Variants in TPRG1 observed in about 807,000 individuals in gnomAD.
TPRG1 encodes tumor protein p63-regulated gene 1 protein.
Under a neutral mutation model 29.3 loss-of-function variants are expected in TPRG1, and 29 were observed. That is an observed-to-expected ratio of 0.99 (90% CI 0.74 to 1.35). The LOEUF (loss-of-function observed/expected upper bound fraction) is 1.35. TPRG1 is among the 40% of genes most tolerant of loss of function. The probability of loss-of-function intolerance (pLI) is 0.00; values close to 1 mark genes in which losing one functional copy is unlikely to be tolerated. For missense variants in TPRG1, 327 were observed against 335.0 expected, an observed-to-expected ratio of 0.98 and a Z score of 0.19; for synonymous variants, 130 against 116.8, an observed-to-expected ratio of 1.11 and a Z score of -0.73.
chr3:189,316,044 A>G (rs1037887020), intron 5 of TPRG1, among the ~76,000 whole-genome samples: 1 of 152,198 alleles, frequency 6.6e-6, no homozygotes, highest in Non-Finnish European at 1.5e-5. Flanking sequence ...TGCGAATTAC[A>G]AAGGTATACA....
intron 3 of TPRG1, among the ~76,000 whole-genome samples, chr3:189,016,964 G>C (rs897671918): frequency 1.5e-4 from 23 of 152,086 alleles, no homozygotes; most frequent in African/African-American, 5.3e-4. Flanking sequence ...TGCATTTCCT[G>C]AATTTGAATG....
In TPRG1 at chr3:189,238,853, C is replaced by T. The variant is rs750905740; in HGVS notation, c.423C>T (p.Ser141=). 62 of 1,613,524 alleles carry T rather than the reference C, an allele frequency of 3.8e-5. No individual in the cohort carries two copies. The highest frequency in any genetic ancestry group is 1.7e-4 in the Admixed American group (10 of 59,952). ...TGCAGCTGCAGCGGATTCCTCTGAGCGCTGTCTATCGCATCTGCCTGGGCA... is the reference window on the plus strand; with the variant it reads ...TGCAGCTGCAGCGGATTCCTCTGAGTGCTGTCTATCGCATCTGCCTGGGCA... The part of the protein sequence containing the change: ...SCVQLQRIPL[S]AVYRICLGKF... The change falls in exon 4 of 6, where the codon AGC becomes AGT. Residue 141 remains serine (S), a synonymous_variant. Coordinates refer to ENST00000345063, the MANE Select transcript of TPRG1 (RefSeq NM_198485.4).
chr3:189,035,303 C>T (rs1188480160), intron 4 of TPRG1, among the ~76,000 whole-genome samples: 4 of 152,158 alleles, frequency 2.6e-5, no homozygotes, highest in African/African-American at 7.2e-5. Context: ...GGATTAAAGA[C>T]TTAAATGTAA....
intron 5 of TPRG1, among the ~76,000 whole-genome samples, chr3:189,163,959 AT>A (rs3884278): frequency 3.3e-5 from 5 of 151,146 alleles, no homozygotes; most frequent in East Asian, 1.9e-4. Context: ...AAAAATATGC[AT>A]TTTTTTTTCA....
chr3:189,295,806 T>C (rs1719818163), intron 4 of TPRG1, among the ~76,000 whole-genome samples: 1 of 152,114 alleles, frequency 6.6e-6, no homozygotes, highest in South Asian at 2.1e-4. Flanking sequence ...TGGATAATGC[T>C]TACAATGCAA....
At chr3:189,151,752 G>A (rs1256923518) in intron 5 of TPRG1, among the ~76,000 whole-genome samples, 4 of 152,060 alleles carry the variant, frequency 2.6e-5, no homozygotes, top group Admixed American at 1.3e-4. Context: ...GTGGTGGCAT[G>A]CCCCTGTAGT....
rs143654683 is a variant in TPRG1 at position 189,280,561 on chromosome 3, T to C, written c.480-29825T>C. Among the ~76,000 whole-genome samples, 696 of 151,378 alleles carry C rather than the reference T, an allele frequency of 4.6e-3. 2 individuals carry two copies. The highest frequency in any genetic ancestry group is 0.016 in the African/African-American group (657 of 40,792). On this transcript the variant is annotated intron_variant, in intron 4 of 5. Coordinates refer to ENST00000345063, the MANE Select transcript of TPRG1 (RefSeq NM_198485.4). ...CAGCATTGAGACCCATATCTAAAAC[T>C]TCTCTACATGCACCTAAACAGGACC...
chr3:189,050,813 C>G (rs1715269502), intron 4 of TPRG1, among the ~76,000 whole-genome samples: 1 of 152,134 alleles, frequency 6.6e-6, no homozygotes, highest in South Asian at 2.1e-4. Flanking sequence ...ACCACATAAG[C>G]AGAATTGAAA....
upstream of TPRG1, among the ~76,000 whole-genome samples, chr3:189,169,268 G>T (rs935934526): frequency 9.9e-5 from 15 of 152,268 alleles, no homozygotes; most frequent in East Asian, 2.7e-3. Flanking sequence ...GGGCTTAAGC[G>T]ATTCTCCTGC....
At chr3:189,303,989 A>C (rs1161634220) in intron 4 of TPRG1, among the ~76,000 whole-genome samples, 1 of 152,194 alleles carries the variant, frequency 6.6e-6, no homozygotes, top group African/African-American at 2.4e-5. Flanking sequence ...CTCTTGATTT[A>C]ACCTCAAGTC....
At chr3:189,236,933 G>A (rs1385023112) in intron 3 of TPRG1, among the ~76,000 whole-genome samples, 1 of 152,146 alleles carries the variant, frequency 6.6e-6, no homozygotes, top group East Asian at 1.9e-4. Flanking sequence ...AGTGACACAG[G>A]TCCCTTCCAG....
rs368195264 is a variant in TPRG1 at position 189,295,496 on chromosome 3, CAAAA to C, written c.480-14866_480-14863del. 4.3e-4 allele frequency among the ~76,000 whole-genome samples: 37 copies of C among 85,516 alleles called. No homozygotes were observed. In the East Asian group the frequency reaches 9.5e-3, roughly 22 times the overall value. The allele number at this position is 85,516 out of a possible 152,430, so 56.1% of individuals were successfully genotyped here. On this transcript the variant is annotated intron_variant, in intron 4 of 5. Transcript: ENST00000345063. ...ACTCTATTGGGTACTACTCAGATTGCAAAAAAAAAAAAAAAAAAAAAAAAAAAGG... is the reference window on the plus strand; with the variant it reads ...ACTCTATTGGGTACTACTCAGATTGCAAAAAAAAAAAAAAAAAAAAAAAGG...
chr3:189,182,463 G>A (rs900949916), intron 1 of TPRG1, among the ~76,000 whole-genome samples: 8 of 152,074 alleles, frequency 5.3e-5, no homozygotes, highest in African/African-American at 1.9e-4. Flanking sequence ...AAATTATAAA[G>A]CCCTCTGCTA....
chr3:189,142,709 A>G (rs555502526), intron 3 of TPRG1, among the ~76,000 whole-genome samples: 1 of 152,310 alleles, frequency 6.6e-6, no homozygotes, highest in East Asian at 1.9e-4. Flanking sequence ...GGTGTGAAGG[A>G]TGAATCACCC....
intron 4 of TPRG1, among the ~76,000 whole-genome samples, chr3:189,294,368 T>C (rs1436471240): frequency 6.6e-6 from 1 of 150,598 alleles, no homozygotes; most frequent in Admixed American, 6.6e-5. Flanking sequence ...ATTTATGGCA[T>C]AATATTGCCA....
At chr3:189,047,812 A>G (rs2152137800) in intron 4 of TPRG1, among the ~76,000 whole-genome samples, 1 of 152,282 alleles carries the variant, frequency 6.6e-6, no homozygotes, top group South Asian at 2.1e-4. Context: ...TCATCTGTTA[A>G]AGTTTGATCA....
chr3:189,120,290 C>A (rs966959048), intron 1 of TPRG1: 2 of 152,198 alleles, frequency 1.3e-5, no homozygotes, highest in Admixed American at 6.5e-5. Context: ...ACCGCCACCA[C>A]TGAATTTTCT....
chr3:189,305,478 A>T (rs1721483148), intron 4 of TPRG1, among the ~76,000 whole-genome samples: 1 of 152,172 alleles, frequency 6.6e-6, no homozygotes. Flanking sequence ...GTGCTTTGCC[A>T]CTAGTATGAG....
chr3:189,069,406 G>A (rs892665594), intron 4 of TPRG1, among the ~76,000 whole-genome samples: 16 of 152,158 alleles, frequency 1.1e-4, no homozygotes, highest in South Asian at 2.1e-4. Context: ...AGATTCTTTC[G>A]GTGATGGAAC....
Sources: gnomAD v4.1 joint callset for allele counts (sites outside exome capture counted in the v4.1 genomes callset) on GRCh38, gnomAD v4.1.1 for gene constraint, MANE v1.5 for transcripts, NCBI Gene and HGNC (gene_info 2026-07-23, HGNC 2026-07-21) for gene names.